Variants in PKN2 observed in about 807,000 individuals in gnomAD.
The protein encoded by PKN2 is protein kinase N2, also known as serine/threonine-protein kinase N2.
Under a neutral mutation model 119.1 loss-of-function variants are expected in PKN2, and 38 were observed. That is an observed-to-expected ratio of 0.32 (90% CI 0.25 to 0.42). The LOEUF is 0.42. Ranked by LOEUF, PKN2 falls within the 10% of genes least tolerant of loss-of-function variation. The probability of loss-of-function intolerance (pLI) is 1.00; values close to 1 mark genes in which losing one functional copy is unlikely to be tolerated. For missense variants in PKN2, 850 were observed against 1,165.1 expected, an observed-to-expected ratio of 0.73 and a Z score of 3.94; for synonymous variants, 390 against 384.9, an observed-to-expected ratio of 1.01 and a Z score of -0.15.
At chr1:88,730,234 G>A (rs72724709) in intron 1 of PKN2, among the ~76,000 whole-genome samples, 3,915 of 152,222 alleles carry the variant, frequency 0.026, 70 homozygotes, top group African/African-American at 0.032. Flanking sequence ...ACCAAATAGG[G>A]ATTTATTTTC....
intron 15 of PKN2, among the ~76,000 whole-genome samples, chr1:88,811,482 T>G (rs1470469169): frequency 6.6e-6 from 1 of 152,168 alleles, no homozygotes; most frequent in African/African-American, 2.4e-5. Context: ...GTAATAAAGG[T>G]GGCTAGATAG....
At chr1:88,776,427 T>A (rs1339594926) in intron 6 of PKN2, among the ~76,000 whole-genome samples, 1 of 151,490 alleles carries the variant, frequency 6.6e-6, no homozygotes, top group Non-Finnish European at 1.5e-5. Flanking sequence ...GCTGGCAATT[T>A]TGTTTTTTTC....
chr1:88,778,241 C>T (rs1224840390), intron 6 of PKN2, among the ~76,000 whole-genome samples: 5 of 152,196 alleles, frequency 3.3e-5, no homozygotes. Flanking sequence ...TTAATCTTGG[C>T]AAAATAAACT....
intron 1 of PKN2, among the ~76,000 whole-genome samples, chr1:88,703,860 A>G (rs892385105): frequency 3.9e-5 from 6 of 152,174 alleles, no homozygotes; most frequent in Non-Finnish European, 8.8e-5. Flanking sequence ...TAGAACCAAG[A>G]TATCCTAACT....
At chr1:88,714,529 A>T (rs1317923960) in intron 1 of PKN2, among the ~76,000 whole-genome samples, 1 of 151,548 alleles carries the variant, frequency 6.6e-6, no homozygotes, top group Non-Finnish European at 1.5e-5. Context: ...TAGGTATTTT[A>T]TTCTCTTTGA....
At chr1:88,813,519 T>C in intron 15 of PKN2, 38 bp from the exon 16 acceptor site, 1 of 1,387,168 alleles carries the variant, frequency 7.2e-7, no homozygotes, top group Non-Finnish European at 9.8e-7. Context: ...ACTAGAATTA[T>C]TTTTAATCTG....
chr1:88,760,656 A>C (rs1669406257), intron 3 of PKN2, among the ~76,000 whole-genome samples: 2 of 151,950 alleles, frequency 1.3e-5, no homozygotes, highest in African/African-American at 4.8e-5. Flanking sequence ...GTTTTTTTTC[A>C]CATTTTTGTG....
intron 19 of PKN2, chr1:88,829,435 A>T (rs773141118): frequency 3.2e-5 from 7 of 219,294 alleles, no homozygotes; most frequent in Admixed American, 1.1e-4. Flanking sequence ...ATATAATTTT[A>T]AAAAAATGAA....
intron 1 of PKN2, among the ~76,000 whole-genome samples, chr1:88,727,025 G>C (rs1182000111): frequency 6.6e-6 from 1 of 151,900 alleles, no homozygotes; most frequent in Non-Finnish European, 1.5e-5. Flanking sequence ...GTCTGAGAAA[G>C]GGATGTTGAA....
Position 88,805,617 on chromosome 1 carries a change from CT to C in PKN2, c.1623del (p.Thr542LeufsTer13). ...ACCTTCAGCCCTCAAGCTCCTGTGC[CT>C]ACTACAGTGCCAGTGGTTGATGTAC... ...SGTFSPQAPVPTTVPVVDVRI... is the reference protein window; with the variant it reads ...SGTFSPQAPVXTTVPVVDVRI... On this transcript the variant is annotated frameshift_variant, in exon 11 of 22. Transcript: ENST00000370521. LOFTEE classifies it high-confidence loss of function. 1 of 1,614,042 alleles carries C rather than the reference CT, an allele frequency of 6.2e-7. No homozygotes were observed. The highest frequency in any genetic ancestry group is 8.5e-7 in the Non-Finnish European group (1 of 1,179,988).
intron 1 of PKN2, among the ~76,000 whole-genome samples, chr1:88,711,036 C>T (rs555661555): frequency 3.2e-4 from 48 of 152,238 alleles, no homozygotes; most frequent in African/African-American, 9.9e-4. Flanking sequence ...CAAACTAACA[C>T]AGGAACAGAA....
chr1:88,788,427 G>A (rs1444647717), intron 8 of PKN2, among the ~76,000 whole-genome samples: 2 of 151,932 alleles, frequency 1.3e-5, no homozygotes, highest in Non-Finnish European at 2.9e-5. Flanking sequence ...ACTAGCGTAG[G>A]GTATAATCCA....
Position 88,832,339 on chromosome 1 carries a change from A to G in PKN2, c.2563-405A>G, listed in dbSNP as rs553378149. 1.1e-4 allele frequency among the ~76,000 whole-genome samples: 16 copies of G among 152,068 alleles called. No individual in the cohort carries two copies. In the East Asian group the frequency reaches 1.4e-3, roughly 13 times the overall value. Reference sequence around the variant, plus strand: ...GATTGAGGTTCTTCAGGATTTATCTATTATCTAAATATTCCCTACTGTCTG... The same window carrying G: ...GATTGAGGTTCTTCAGGATTTATCTGTTATCTAAATATTCCCTACTGTCTG... On this transcript the variant is annotated intron_variant, in intron 19 of 21. Transcript: ENST00000370521.
At chr1:88,753,132 T>C (rs1669066405) in intron 2 of PKN2, among the ~76,000 whole-genome samples, 2 of 152,218 alleles carry the variant, frequency 1.3e-5, no homozygotes. Context: ...TTTATTTGCC[T>C]ACACCCTAGC....
At position 88,704,778 on chromosome 1, in the gene PKN2, CAAAAAAAA is replaced by C. The variant is rs35670791; in HGVS notation, c.48+20165_48+20172del. ...CCCAGGCAACAGCAAGACCCTGTCT[CAAAAAAAA>C]AAAAAAAAAAAAAAGAGTTCCAGTT... On this transcript the variant is annotated intron_variant, in intron 1 of 21. Transcript: ENST00000370521. Among the ~76,000 whole-genome samples the C allele has an allele frequency of 3.9e-5, 3 of 75,950 alleles. 1 individual carries two copies. The allele number at this position is 75,950 out of a possible 152,430, so 49.8% of individuals were successfully genotyped here.
intron 6 of PKN2, among the ~76,000 whole-genome samples, chr1:88,774,964 C>T (rs1487049262): frequency 1.3e-5 from 2 of 152,210 alleles, no homozygotes; most frequent in Non-Finnish European, 2.9e-5. Context: ...CCACCTCAGA[C>T]TTCCAAAGTG....
intron 1 of PKN2, among the ~76,000 whole-genome samples, chr1:88,720,804 A>G (rs1319218564): frequency 6.6e-6 from 1 of 152,134 alleles, no homozygotes; most frequent in African/African-American, 2.4e-5. Flanking sequence ...TGGTGTTCCC[A>G]AAGTCCATTG....
chr1:88,751,337 G>C (rs921284342), intron 2 of PKN2, among the ~76,000 whole-genome samples: 3 of 150,490 alleles, frequency 2.0e-5, no homozygotes, highest in African/African-American at 7.4e-5. Context: ...GTACATACAA[G>C]GTGTCCCTTT....
At chr1:88,760,785 T>C (rs1193041821) in intron 3 of PKN2, among the ~76,000 whole-genome samples, 2 of 152,158 alleles carry the variant, frequency 1.3e-5, no homozygotes, top group Non-Finnish European at 2.9e-5. Context: ...TTGTTGTTGT[T>C]TTTTTTGTTT....
Sources: gnomAD v4.1 joint callset for allele counts (sites outside exome capture counted in the v4.1 genomes callset) on GRCh38, gnomAD v4.1.1 for gene constraint, MANE v1.5 for transcripts, NCBI Gene and HGNC (gene_info 2026-07-23, HGNC 2026-07-21) for gene names.